ME1: variants seen among roughly 807,000 people sequenced by gnomAD.
ME1 encodes the protein malic enzyme 1, also known as NADP-dependent malic enzyme.
ME1 carries 74 observed loss-of-function variants against 66.4 expected under a neutral mutation model. That is an observed-to-expected ratio of 1.11 (90% CI 0.92 to 1.35). The LOEUF is 1.35. Ranked by LOEUF, ME1 falls within the 40% of genes most tolerant of loss-of-function variation. The pLI is 0.00. For missense variants in ME1, 750 were observed against 694.1 expected (o/e 1.08, Z -0.90); for synonymous variants, 251 against 235.6 (o/e 1.07, Z -0.60).
chr6:83,372,893 T>C (rs1271466931), intron 3 of ME1, among the ~76,000 whole-genome samples: 1 of 152,220 alleles, frequency 6.6e-6, no homozygotes, highest in African/African-American at 2.4e-5. Flanking sequence ...TCACAATGGT[T>C]ATGCTATGTC....
At chr6:83,332,720 A>G (rs904441817) in intron 5 of ME1, among the ~76,000 whole-genome samples, 6 of 152,172 alleles carry the variant, frequency 3.9e-5, no homozygotes, top group African/African-American at 1.2e-4. Context: ...ACATAGGAGT[A>G]TACAAAGCAG....
At chr6:83,278,435 A>G (rs1265954843) in intron 6 of ME1, among the ~76,000 whole-genome samples, 2 of 152,122 alleles carry the variant, frequency 1.3e-5, no homozygotes, top group Non-Finnish European at 2.9e-5. Flanking sequence ...CCATTTAAAA[A>G]ATTTGATTGT....
intron 5 of ME1, among the ~76,000 whole-genome samples, chr6:83,342,823 A>G (rs991203523): frequency 2.0e-5 from 3 of 152,096 alleles, no homozygotes; most frequent in Admixed American, 6.5e-5. Context: ...AGTAGCTGGG[A>G]TTACAGGCAT....
chr6:83,303,447 C>T (rs1253590903), intron 6 of ME1, among the ~76,000 whole-genome samples: 1 of 152,036 alleles, frequency 6.6e-6, no homozygotes, highest in Non-Finnish European at 1.5e-5. Flanking sequence ...TTTAACTTGC[C>T]AATTGTCTCT....
intron 6 of ME1, among the ~76,000 whole-genome samples, chr6:83,259,446 G>C (rs1187258504): frequency 1.3e-5 from 2 of 152,144 alleles, no homozygotes; most frequent in African/African-American, 4.8e-5. Context: ...GACTTAAGAT[G>C]GGCCCTTGGT....
At chr6:83,285,014 A>C (rs2128533789) in intron 6 of ME1, among the ~76,000 whole-genome samples, 1 of 152,318 alleles carries the variant, frequency 6.6e-6, no homozygotes. Flanking sequence ...TGTGAATAGC[A>C]CTGTGATAAA....
chr6:83,416,185 A>G (rs1341793509), intron 1 of ME1, among the ~76,000 whole-genome samples: 1 of 152,208 alleles, frequency 6.6e-6, no homozygotes, highest in African/African-American at 2.4e-5. Flanking sequence ...CACATAGTAC[A>G]TGTTATGTGT....
At chr6:83,345,472 T>G (rs2128543704) in intron 5 of ME1, among the ~76,000 whole-genome samples, 1 of 152,332 alleles carries the variant, frequency 6.6e-6, no homozygotes, top group Admixed American at 6.5e-5. Context: ...TCAATTGTTT[T>G]AGAAGGAGAC....
At chr6:83,217,629 A>C (rs2128522648) in intron 12 of ME1, among the ~76,000 whole-genome samples, 1 of 152,342 alleles carries the variant, frequency 6.6e-6, no homozygotes, top group Non-Finnish European at 1.5e-5. Context: ...TAAGAAATCC[A>C]GAGGAAGAGC....
At chr6:83,383,965 A>G (rs556547456) in intron 3 of ME1, among the ~76,000 whole-genome samples, 2 of 151,986 alleles carry the variant, frequency 1.3e-5, no homozygotes, top group Admixed American at 1.3e-4. Flanking sequence ...GTTAAAATTG[A>G]CAATTTGCTG....
intron 5 of ME1, among the ~76,000 whole-genome samples, chr6:83,343,110 C>T (rs1768620239): frequency 6.6e-6 from 1 of 152,124 alleles, no homozygotes; most frequent in Non-Finnish European, 1.5e-5. Flanking sequence ...AGAACTTATT[C>T]CTTCAATTGA....
chr6:83,231,928 C>G (rs568471568), intron 9 of ME1, among the ~76,000 whole-genome samples: 3 of 152,098 alleles, frequency 2.0e-5, no homozygotes. Context: ...TTAATCTCCC[C>G]TATCCCTTTA....
Position 83,211,278 on chromosome 6 carries a change from A to T in ME1, c.*646T>A, listed in dbSNP as rs1364819431. 1 of 152,650 alleles carries T rather than the reference A, an allele frequency of 6.6e-6. No homozygotes were observed. Among genetic ancestry groups the T allele is most frequent in the East Asian group, 1.9e-4 (1 of 5,198 alleles). The allele number at this position is 152,650 out of a possible 1,614,324, so 9.5% of individuals were successfully genotyped here. A position where few individuals can be genotyped will look rare whatever the true frequency, so the allele number is the denominator to read the frequency against. On this transcript the variant is annotated 3_prime_UTR_variant, in exon 14 of 14. Coordinates refer to ENST00000369705, the MANE Select transcript of ME1 (RefSeq NM_002395.6). ...TTTCAGGTGGGATTTCTGACTCAGGATCAAGGTAATAAGAGCTTTACTCTA... is the reference window on the plus strand; with the variant it reads ...TTTCAGGTGGGATTTCTGACTCAGGTTCAAGGTAATAAGAGCTTTACTCTA...
At chr6:83,352,636 TG>T (rs1361592252) in intron 3 of ME1, among the ~76,000 whole-genome samples, 2 of 152,214 alleles carry the variant, frequency 1.3e-5, no homozygotes, top group Non-Finnish European at 2.9e-5. Context: ...TTCTTTCATG[TG>T]GAGCTCACTT....
intron 12 of ME1, among the ~76,000 whole-genome samples, chr6:83,219,412 G>C (rs1790046058): frequency 6.6e-6 from 1 of 152,096 alleles, no homozygotes; most frequent in African/African-American, 2.4e-5. Context: ...ATCAATTACT[G>C]TCTGTTTTGT....
intron 6 of ME1, among the ~76,000 whole-genome samples, chr6:83,281,627 G>A (rs1207734548): frequency 5.3e-5 from 8 of 151,614 alleles, no homozygotes; most frequent in African/African-American, 1.5e-4. Context: ...CCAAGATGGT[G>A]AAACCCCATC....
intron 6 of ME1, among the ~76,000 whole-genome samples, chr6:83,276,547 G>C (rs1767185698): frequency 6.6e-6 from 1 of 152,188 alleles, no homozygotes; most frequent in Admixed American, 6.5e-5. Flanking sequence ...TTGGAAAGGA[G>C]TATGATAATT....
intron 6 of ME1, among the ~76,000 whole-genome samples, chr6:83,292,692 G>T (rs1767526447): frequency 6.6e-6 from 1 of 152,172 alleles, no homozygotes; most frequent in Non-Finnish European, 1.5e-5. Context: ...TGGAGAAGCT[G>T]TCTGCTGCCT....
intron 13 of ME1, 51 bp from the exon 14 acceptor site, chr6:83,212,145 G>A: frequency 7.6e-7 from 1 of 1,311,578 alleles, no homozygotes; most frequent in East Asian, 2.6e-5. Flanking sequence ...AGGTAATCAT[G>A]AGCCCATGTG....
Sources: allele counts gnomAD v4.1 joint callset (sites outside exome capture counted in the v4.1 genomes callset), GRCh38; gene constraint gnomAD v4.1.1; transcripts MANE v1.5; gene names NCBI Gene and HGNC (gene_info 2026-07-23, HGNC 2026-07-21).